CDH7: variants seen among roughly 807,000 people sequenced by gnomAD.
CDH7 encodes cadherin 7.
Under a neutral mutation model 71.8 loss-of-function variants are expected in CDH7, and 25 were observed. The observed-to-expected ratio is 0.35, with a 90% CI of 0.25 to 0.49. CDH7 has a LOEUF of 0.49. Among genes scored for constraint, CDH7 ranks in the 20% least tolerant of loss-of-function variants. CDH7 has a pLI of 0.99. For synonymous variants in CDH7, 381 were observed against 363.8 expected (o/e 1.05, Z -0.54); for missense variants, 862 against 974.6 (o/e 0.88, Z 1.54).
chr18:65,787,155 G>T (rs1555682665), intron 2 of CDH7, among the ~76,000 whole-genome samples: 1 of 152,136 alleles, frequency 6.6e-6, no homozygotes, highest in Non-Finnish European at 1.5e-5. Context: ...AGTTTTTATG[G>T]AAAATTATTT....
intron 6 of CDH7, among the ~76,000 whole-genome samples, chr18:65,839,586 A>T (rs964708410): frequency 2.0e-5 from 3 of 152,344 alleles, no homozygotes; most frequent in South Asian, 4.1e-4. Flanking sequence ...TACATTTTTT[A>T]AAATGCATGT....
rs982791041 is a variant in CDH7, at chr18:65,883,852, T to C, written c.*2958T>C. 3 of 152,156 alleles carry C rather than the reference T, an allele frequency of 2.0e-5. No individual in the cohort carries two copies. The highest frequency in any genetic ancestry group is 7.2e-5 in the African/African-American group (3 of 41,460). The allele number at this position is 152,156 out of a possible 1,614,324, so 9.4% of individuals were successfully genotyped here. ...TATTTTACTACTAAATAACAATGTATGTGGTAGTGATTTCCTGAAGTGAAA... is the reference window on the plus strand; with the variant it reads ...TATTTTACTACTAAATAACAATGTACGTGGTAGTGATTTCCTGAAGTGAAA... On this transcript the variant is annotated 3_prime_UTR_variant, in exon 12 of 12. Coordinates refer to ENST00000397968, the MANE Select transcript of CDH7 (RefSeq NM_004361.5).
At chr18:65,784,352 T>A (rs1599003587) in intron 2 of CDH7, among the ~76,000 whole-genome samples, 1 of 152,072 alleles carries the variant, frequency 6.6e-6, no homozygotes, top group African/African-American at 2.4e-5. Context: ...CTGGGGAAAG[T>A]GAATTTCAGG....
chr18:65,770,459 G>T (rs1598991300), intron 2 of CDH7, among the ~76,000 whole-genome samples: 1 of 152,204 alleles, frequency 6.6e-6, no homozygotes, highest in South Asian at 2.1e-4. Flanking sequence ...ATTACAATCT[G>T]ATGTATTACA....
intron 11 of CDH7, 145 bp downstream of exon 11, chr18:65,863,062 G>C: frequency 3.4e-6 from 3 of 887,268 alleles, no homozygotes; most frequent in Non-Finnish European, 5.1e-6. Context: ...CTTTGAGACG[G>C]GGTCTCACTC....
intron 2 of CDH7, among the ~76,000 whole-genome samples, chr18:65,791,510 A>G (rs999057920): frequency 2.0e-5 from 3 of 152,306 alleles, no homozygotes; most frequent in South Asian, 2.1e-4. Flanking sequence ...AAGCCGAGAG[A>G]AAGTTTAATA....
intron 2 of CDH7, chr18:65,803,945 T>A (rs1401487027): frequency 3.3e-5 from 5 of 151,934 alleles, no homozygotes; most frequent in Non-Finnish European, 5.9e-5. Flanking sequence ...ATAAGTTTTA[T>A]TTATATTACA....
At chr18:65,864,461 A>T (rs1913688948) in intron 11 of CDH7, among the ~76,000 whole-genome samples, 1 of 151,212 alleles carries the variant, frequency 6.6e-6, no homozygotes, top group African/African-American at 2.4e-5. Flanking sequence ...GTGGCCTAAG[A>T]CAAGTATTCT....
At chr18:65,849,339 T>TTTTTCTTTCCTTTTTCTTTTC (rs1913048456) in intron 7 of CDH7, among the ~76,000 whole-genome samples, 12 of 82,820 alleles carry the variant, frequency 1.4e-4, no homozygotes, top group East Asian at 9.0e-4. Context: ...TAGCCTTTCC[T>TTTTTCTTTCCTTTTTCTTTTC]TTTTCTTTTC....
chr18:65,848,616 T>A (rs1913019392), intron 7 of CDH7, among the ~76,000 whole-genome samples: 1 of 152,126 alleles, frequency 6.6e-6, no homozygotes, highest in Non-Finnish European at 1.5e-5. Flanking sequence ...AGCCTAGTAC[T>A]AAATTATGAA....
chr18:65,753,019 A>G (rs1236698503), intron 1 of CDH7, among the ~76,000 whole-genome samples: 3 of 152,210 alleles, frequency 2.0e-5, no homozygotes, highest in Admixed American at 6.5e-5. Context: ...TTATAAAAGG[A>G]TAATTGTAAA....
At chr18:65,755,357 A>G (rs535062838) in intron 1 of CDH7, among the ~76,000 whole-genome samples, 1 of 152,340 alleles carries the variant, frequency 6.6e-6, no homozygotes, top group South Asian at 2.1e-4. Context: ...CATGTCATCA[A>G]TCTGTGGTTC....
chr18:65,868,377 G>A (rs1015715805), intron 11 of CDH7, among the ~76,000 whole-genome samples: 9 of 152,156 alleles, frequency 5.9e-5, no homozygotes, highest in African/African-American at 1.9e-4. Flanking sequence ...CAACTTAGAG[G>A]AAATACACAA....
rs942845414 is a variant in CDH7 at position 65,809,840 on chromosome 18, C to G, written c.347C>G (p.Ala116Gly). ...AAGAGACTGGATCGTGAGGAGCAGG[C>G]CTACTACACGCTCCGAGCTCAAGCG... ...ATKRLDREEQ[A>G]YYTLRAQALD... The change falls in exon 3 of 12, where the codon GCC becomes GGC. Residue 116 changes from alanine to glycine, a missense_variant. Physicochemically the swap from Ala to Gly is moderately conservative, Grantham distance 60. Transcript: ENST00000397968. 1.2e-6 allele frequency: 2 copies of G among 1,613,640 alleles called. No individual in the cohort carries two copies. The highest frequency in any genetic ancestry group is 1.3e-5 in the African/African-American group (1 of 74,776).
intron 2 of CDH7, among the ~76,000 whole-genome samples, chr18:65,792,400 C>T (rs140547680): frequency 1.7e-3 from 257 of 152,086 alleles, no homozygotes; most frequent in African/African-American, 6.0e-3. Context: ...AAAAGGTTCC[C>T]GTGTCATTTC....
At chr18:65,859,179 T>C (rs765064010) in intron 9 of CDH7, 133 bp downstream of exon 9, 241 of 773,590 alleles carry the variant, frequency 3.1e-4, no homozygotes, top group Non-Finnish European at 4.9e-4. Context: ...AACACTTTGA[T>C]GTGTAGCATG....
At chr18:65,753,159 C>G (rs539932876) in intron 1 of CDH7, among the ~76,000 whole-genome samples, 4 of 152,272 alleles carry the variant, frequency 2.6e-5, no homozygotes, top group Admixed American at 2.0e-4. Context: ...AAATGACTGT[C>G]TCTCCTGGGC....
rs566328680 is a variant in CDH7 at position 65,833,253 on chromosome 18, T to C, written c.981+8422T>C. 1.6e-3 allele frequency among the ~76,000 whole-genome samples: 246 copies of C among 152,322 alleles called. 1 individual carries two copies. The highest frequency in any genetic ancestry group is 5.8e-3 in the African/African-American group (240 of 41,578). ...GATGTGGACTACCTGGGGTTTACTG[T>C]CTTGTACTGAAATGTGTCTTTTGCC... On this transcript the variant is annotated intron_variant, in intron 6 of 11. Transcript: ENST00000397968.
chr18:65,881,092 AG>A lies in CDH7; in HGVS notation c.*200del. The A allele has an allele frequency of 1.9e-6, 1 of 512,942 alleles. No individual in the cohort carries two copies. The highest frequency in any genetic ancestry group is 3.3e-6 in the Non-Finnish European group (1 of 301,566). 31.8% of individuals were successfully genotyped at this position (512,942 alleles called of 1,614,324 possible). ...GCATATCTTCATTAGACTTATCTAA[AG>A]GACTGCACTGACCACAGACTCTGAG... On this transcript the variant is annotated 3_prime_UTR_variant, in exon 12 of 12. Transcript: ENST00000397968.
Sources: allele counts gnomAD v4.1 joint callset (sites outside exome capture counted in the v4.1 genomes callset), GRCh38; gene constraint gnomAD v4.1.1; transcripts MANE v1.5; gene names NCBI Gene and HGNC (gene_info 2026-07-23, HGNC 2026-07-21).